Variants in SFMBT2 observed in about 807,000 individuals in gnomAD.
SFMBT2 encodes Scm like with four mbt domains 2, also known as scm-like with four MBT domains protein 2.
In SFMBT2, 38 loss-of-function variants were observed where a neutral mutation model predicts 110.1. The ratio of observed to expected loss-of-function variants is 0.35; its 90% CI spans 0.27 to 0.45. The LOEUF is 0.45. Ranked by LOEUF, SFMBT2 falls within the 20% of genes least tolerant of loss-of-function variation. SFMBT2 has a pLI of 1.00. For synonymous variants in SFMBT2, 425 were observed against 425.4 expected (o/e 1.00, Z 0.01); for missense variants, 1,011 against 1,094.9 (o/e 0.92, Z 1.08).
Position 7,171,788 on chromosome 10 carries a change from G to GT in SFMBT2, c.2415+106dup, listed in dbSNP as rs1837878303. 2.5e-6 allele frequency: 3 copies of GT among 1,178,776 alleles called. No homozygotes were observed. Among genetic ancestry groups the GT allele is most frequent in the Non-Finnish European group, 3.3e-6 (3 of 908,610 alleles). The allele number at this position is 1,178,776 out of a possible 1,614,324, so 73.0% of individuals were successfully genotyped here. ...GGAACTAGCTAGAGCAGCTGCTGCT[G>GT]TTGGAGGTATTTTAAACAGGTTTCC... On this transcript the variant is annotated intron_variant, in intron 19 of 20. Transcript: ENST00000397167. The surrounding 1 kb of genome is among the most constrained non-coding windows in gnomAD (Gnocchi z 4.9).
chr10:7,401,353 G>A (rs139128030), intron 1 of SFMBT2, among the ~76,000 whole-genome samples: 272 of 152,250 alleles, frequency 1.8e-3, no homozygotes, highest in African/African-American at 5.7e-3. Context: ...CCTTCTCTGA[G>A]CAAATACATC....
At chr10:7,360,256 T>A (rs1333395353) in intron 4 of SFMBT2, among the ~76,000 whole-genome samples, 1 of 152,060 alleles carries the variant, frequency 6.6e-6, no homozygotes, top group Admixed American at 6.6e-5. Flanking sequence ...TCATTTGAGC[T>A]CAGGAATTCG....
At chr10:7,191,692 C>T (rs1175603991) in intron 15 of SFMBT2, among the ~76,000 whole-genome samples, 3 of 152,306 alleles carry the variant, frequency 2.0e-5, no homozygotes, top group East Asian at 3.9e-4. Context: ...TGTTCACCAT[C>T]CACCCCCACT....
chr10:7,161,299 T>C lies in SFMBT2; in HGVS notation c.*2471A>G, dbSNP rs558076401. 10 of 152,324 alleles carry C rather than the reference T, an allele frequency of 6.6e-5. No individual in the cohort carries two copies. The highest frequency in any genetic ancestry group is 2.4e-4 in the African/African-American group (10 of 41,544). 9.4% of individuals were successfully genotyped at this position (152,324 alleles called of 1,614,324 possible). Reference sequence around the variant, plus strand: ...ACTGAAAAGGGAGACAGAAGTGACATTTGTGCTGCAAGTCCCTGTTCTTTT... The same window carrying C: ...ACTGAAAAGGGAGACAGAAGTGACACTTGTGCTGCAAGTCCCTGTTCTTTT... On this transcript the variant is annotated 3_prime_UTR_variant, in exon 21 of 21. Transcript: ENST00000397167.
intron 10 of SFMBT2, among the ~76,000 whole-genome samples, chr10:7,224,149 G>A (rs766482880): frequency 1.4e-4 from 21 of 152,168 alleles, no homozygotes; most frequent in Non-Finnish European, 2.5e-4. Flanking sequence ...TATTTTAAAT[G>A]TTATGTTGTG....
intron 16 of SFMBT2, among the ~76,000 whole-genome samples, chr10:7,181,811 A>T (rs1432139177): frequency 1.7e-4 from 26 of 152,232 alleles, no homozygotes; most frequent in Non-Finnish European, 1.9e-4. Context: ...TGAACATACG[A>T]AGATACAGCC....
In SFMBT2 at chr10:7,315,468, C is replaced by T. The variant is rs144784139; in HGVS notation, c.437-29514G>A. 2.0e-4 allele frequency among the ~76,000 whole-genome samples: 31 copies of T among 152,332 alleles called. No individual in the cohort carries two copies. The East Asian group carries it at 4.1e-3, about 20-fold the overall frequency. The stretch of plus-strand genomic sequence containing the variant: ...ATATTGGCTCTTCCTGGGTCTCGAG[C>T]TTGGAGGCCTTCAGACAAGAACTAT... On this transcript the variant is annotated intron_variant, in intron 4 of 20. Transcript: ENST00000397167.
chr10:7,204,937 T>C, intron 12 of SFMBT2: 2 of 985,340 alleles, frequency 2.0e-6, no homozygotes, highest in Non-Finnish European at 2.4e-6. Flanking sequence ...TGCACACATG[T>C]ATGAATGGGC....
Position 7,197,588 on chromosome 10 carries a change from T to A in SFMBT2, c.1658A>T (p.Gln553Leu). The change falls in exon 15 of 21, where the codon CAG becomes CTG. Residue 553 changes from glutamine (Q) to leucine (L), a missense_variant. Gln to Leu is a moderately radical substitution (Grantham distance 113). This residue lies in a region of SFMBT2 where 979 missense variants were observed against 1,016.1 expected (regional missense o/e 0.96). Coordinates refer to ENST00000397167, the MANE Select transcript of SFMBT2 (RefSeq NM_001387889.1). Reference protein sequence around the residue: ...LNKGRIAELPQSVGPGKCVLV... With the variant: ...LNKGRIAELPLSVGPGKCVLV... ...CACGCATTTGCCCGGTCCCACCGAC[T>A]GAGGTAGCTCTGCAATCCTTCCTTT... is the stretch of plus-strand genomic sequence containing the variant. 6.2e-7 allele frequency: 1 copy of A among 1,614,222 alleles called. No homozygotes were observed. Among genetic ancestry groups the A allele is most frequent in the Non-Finnish European group, 8.5e-7 (1 of 1,180,032 alleles).
In SFMBT2 at chr10:7,381,873, T is replaced by C. The variant is rs1318394764; in HGVS notation, c.26A>G (p.Asn9Ser). The C allele has an allele frequency of 7.4e-6, 12 of 1,612,306 alleles. No homozygotes were observed. The East Asian group carries it at 8.9e-5, about 12-fold the overall frequency. MESTLSAS[N>S]MQDPSSSPLE... ...GGGTGAAGATGAAGGGTCTTGCATA[T>C]TGGAAGCTGACAAAGTGCTCTCCAT... is the stretch of plus-strand genomic sequence containing the variant. The change falls in exon 2 of 21, where the codon AAT becomes AGT. Residue 9 changes from asparagine to serine, a missense_variant. Asn to Ser is a conservative substitution (Grantham distance 46, BLOSUM62 1). Transcript: ENST00000397167.
chr10:7,364,081 C>T (rs1011527357), intron 4 of SFMBT2, among the ~76,000 whole-genome samples: 3 of 152,296 alleles, frequency 2.0e-5, no homozygotes, highest in East Asian at 3.9e-4. Context: ...CTGTTCCCTC[C>T]GGAACAACTG....
chr10:7,250,702 T>C (rs1588384764), intron 7 of SFMBT2, among the ~76,000 whole-genome samples: 1 of 152,324 alleles, frequency 6.6e-6, no homozygotes, highest in East Asian at 1.9e-4. Context: ...CCACCAGCAG[T>C]GTGTAAGTGT....
At chr10:7,278,262 GCCTCTGATGTC>G (rs1239628193) in intron 6 of SFMBT2, among the ~76,000 whole-genome samples, 1 of 152,164 alleles carries the variant, frequency 6.6e-6, no homozygotes, top group African/African-American at 2.4e-5. Flanking sequence ...AAAGAATGGG[GCCTCTGATGTC>G]CACAGTGAGA....
intron 1 of SFMBT2, among the ~76,000 whole-genome samples, chr10:7,391,027 G>A (rs1845747993): frequency 6.6e-6 from 1 of 152,018 alleles, no homozygotes; most frequent in Non-Finnish European, 1.5e-5. Context: ...TTGAACCTGA[G>A]AGGCTAAGGT....
chr10:7,327,643 T>C (rs1843433366), intron 4 of SFMBT2, among the ~76,000 whole-genome samples: 1 of 149,018 alleles, frequency 6.7e-6, no homozygotes, highest in African/African-American at 2.5e-5. Context: ...ATCATGCCAC[T>C]GCACTCCAGC....
chr10:7,201,256 T>G (rs541154881), intron 13 of SFMBT2, among the ~76,000 whole-genome samples: 1 of 152,318 alleles, frequency 6.6e-6, no homozygotes, highest in Non-Finnish European at 1.5e-5. Flanking sequence ...GTGAACTTGT[T>G]AGAAATGCAG....
intron 1 of SFMBT2, among the ~76,000 whole-genome samples, chr10:7,386,626 T>G (rs1467051521): frequency 6.6e-6 from 1 of 152,026 alleles, no homozygotes; most frequent in African/African-American, 2.4e-5. Context: ...GTGAACCCAC[T>G]GGTCATTGGT....
chr10:7,406,676 T>C (rs1019588115), intron 1 of SFMBT2, among the ~76,000 whole-genome samples: 10 of 152,242 alleles, frequency 6.6e-5, no homozygotes, highest in Non-Finnish European at 1.3e-4. Flanking sequence ...GTCTATAATG[T>C]CTGCAAGAAC....
intron 4 of SFMBT2, among the ~76,000 whole-genome samples, chr10:7,295,808 C>T (rs559648247): frequency 3.9e-5 from 6 of 152,252 alleles, no homozygotes; most frequent in African/African-American, 1.4e-4. Flanking sequence ...GAGTTCTCTG[C>T]TGTATGATTA....
Sources: gnomAD v4.1 joint callset for allele counts (sites outside exome capture counted in the v4.1 genomes callset) on GRCh38, gnomAD v4.1.1 for gene constraint, gnomAD v4.1.1 regional missense constraint, Gnocchi (gnomAD v3.1) non-coding constraint, MANE v1.5 for transcripts, NCBI Gene and HGNC (gene_info 2026-07-23, HGNC 2026-07-21) for gene names.